Variants in ZNF622 observed in about 807,000 individuals in gnomAD.
ZNF622 encodes the protein zinc finger protein 622.
A neutral mutation model predicts 49.7 loss-of-function variants in ZNF622; 34 were observed. The observed-to-expected ratio is 0.68, with a 90% CI of 0.52 to 0.91. The LOEUF is 0.91. ZNF622 is among the 40% of genes least tolerant of loss of function. The pLI, the probability that ZNF622 is intolerant of heterozygous loss-of-function variation, is 0.00. For missense variants in ZNF622, 569 were observed against 616.4 expected (o/e 0.92, Z 0.81); for synonymous variants, 209 against 228.7 (o/e 0.91, Z 0.78).
chr5:16,458,779 TG>T, intron 3 of ZNF622, 150 bp from the exon 4 acceptor site: 1 of 569,246 alleles, frequency 1.8e-6, no homozygotes, highest in Non-Finnish European at 3.1e-6. Context: ...TAAAAGGTTT[TG>T]GGAGAAAACA....
At chr5:16,455,060 A>C (rs969400452) in intron 4 of ZNF622, among the ~76,000 whole-genome samples, 1 of 152,236 alleles carries the variant, frequency 6.6e-6, no homozygotes, top group East Asian at 1.9e-4. Context: ...AAGTAATCAA[A>C]TATCTTCCCA....
chr5:16,451,882 G>T, intron 5 of ZNF622, 98 bp from the exon 6 acceptor site: 4 of 1,449,818 alleles, frequency 2.8e-6, no homozygotes, highest in Non-Finnish European at 2.8e-6. Context: ...TTAGTTTGGG[G>T]TAACTAGGTT....
At chr5:16,458,266 A>C (rs1270102911) in intron 4 of ZNF622, among the ~76,000 whole-genome samples, 1 of 152,162 alleles carries the variant, frequency 6.6e-6, no homozygotes, top group Admixed American at 6.5e-5. Context: ...AAAAAAAAAA[A>C]AAAAAGAAAT....
Position 16,465,149 on chromosome 5 carries a change from G to A in ZNF622, c.517C>T (p.Pro173Ser). 6.2e-7 allele frequency: 1 copy of A among 1,614,136 alleles called. No homozygotes were observed. The highest frequency in any genetic ancestry group is 8.5e-7 in the Non-Finnish European group (1 of 1,179,994). The change falls in exon 1 of 6, where the codon CCG (proline) becomes TCG (serine). Residue 173 changes from proline (P) to serine (S), a missense_variant. Transcript: ENST00000308683. This position sits in a 1 kb window ranked among gnomAD's most constrained non-coding sequence, Gnocchi z 6.2. ...TGGRGTHDRD[P>S]SEKPPRLQWF... ...TGGAGCCGGGGTGGTTTCTCACTCG[G>A]GTCTCGGTCGTGGGTCCCACGGCCA...
chr5:16,461,670 TTTAC>T (rs61560452), intron 3 of ZNF622, among the ~76,000 whole-genome samples: 8,077 of 152,264 alleles, frequency 0.053, 654 homozygotes, highest in African/African-American at 0.18. Context: ...AGAGATGCCA[TTTAC>T]TTACAGAGAG....
chr5:16,454,369 T>C (rs900513796), intron 4 of ZNF622, among the ~76,000 whole-genome samples: 4 of 150,380 alleles, frequency 2.7e-5, no homozygotes, highest in African/African-American at 9.8e-5. Flanking sequence ...GCACCTGTAG[T>C]CCCAGCTACT....
At chr5:16,464,137 A>G (rs566110059) in intron 1 of ZNF622, among the ~76,000 whole-genome samples, 2 of 152,332 alleles carry the variant, frequency 1.3e-5, no homozygotes, top group African/African-American at 4.8e-5. Context: ...AGGGTGCTCT[A>G]TGAACGGCTA....
In ZNF622 at chr5:16,465,212, C is replaced by T; in HGVS notation, c.454G>A (p.Ala152Thr). Residue 152 changes from alanine (A) to threonine (T), a missense_variant, in exon 1 of 6, where the codon GCA becomes ACA. Physicochemically the swap from Ala to Thr is moderately conservative, Grantham distance 58. Transcript: ENST00000308683. The surrounding 1 kb of genome is among the most constrained non-coding windows in gnomAD (Gnocchi z 6.2). Reference sequence around the variant, plus strand: ...GCCACGACATTCCTGGCCTCCTTTGCAGGCGCTGGGGGCGCCTTCTTGGGA... The same window carrying T: ...GCCACGACATTCCTGGCCTCCTTTGTAGGCGCTGGGGGCGCCTTCTTGGGA... ...MSPKKAPPAP[A>T]KEARNVVAVG... 6.2e-7 allele frequency: 1 copy of T among 1,614,182 alleles called. No individual in the cohort carries two copies. The highest frequency in any genetic ancestry group is 8.5e-7 in the Non-Finnish European group (1 of 1,180,026).
chr5:16,465,632 C>A lies in ZNF622; in HGVS notation c.34G>T (p.Ala12Ser). Residue 12 changes from alanine (A) to serine (S), a missense_variant, in exon 1 of 6, where the codon GCG (alanine) becomes TCG (serine). Coordinates refer to ENST00000308683, the MANE Select transcript of ZNF622 (RefSeq NM_033414.3). The surrounding 1 kb of genome is among the most constrained non-coding windows in gnomAD (Gnocchi z 6.2). ...CGCTGCATGTCCGCGTCGCGGAACG[C>A]CACCCGGCAAGTTATGCAGGTGTAC... is the stretch of plus-strand genomic sequence containing the variant. ...ATYTCITCRV[A>S]FRDADMQRAH... is the part of the protein sequence containing the mutation. 6.3e-7 allele frequency: 1 copy of A among 1,595,032 alleles called. No individual in the cohort carries two copies. Among genetic ancestry groups the A allele is most frequent in the Non-Finnish European group, 8.5e-7 (1 of 1,169,710 alleles).
At chr5:16,461,158 AT>A (rs1738115801) in intron 3 of ZNF622, among the ~76,000 whole-genome samples, 1 of 152,242 alleles carries the variant, frequency 6.6e-6, no homozygotes, top group Non-Finnish European at 1.5e-5. Context: ...CTATAAACAA[AT>A]ACAGCAGCAA....
intron 4 of ZNF622, among the ~76,000 whole-genome samples, chr5:16,453,559 T>TTATATATATATATAAAAATAAAAATTA (rs1737968698): frequency 1.5e-5 from 1 of 67,154 alleles, no homozygotes; most frequent in African/African-American, 4.3e-5. Flanking sequence ...TAAATAAAAA[T>TTATATATATATATAAAAATAAAAATTA]TATATATATA....
At chr5:16,456,360 G>C (rs1004314160) in intron 4 of ZNF622, among the ~76,000 whole-genome samples, 3 of 152,106 alleles carry the variant, frequency 2.0e-5, no homozygotes, top group African/African-American at 7.2e-5. Context: ...GAGCAACGAA[G>C]GAAACCCAAA....
chr5:16,458,898 G>A (rs1738078840), intron 3 of ZNF622, among the ~76,000 whole-genome samples: 1 of 152,182 alleles, frequency 6.6e-6, no homozygotes, highest in African/African-American at 2.4e-5. Flanking sequence ...AGAATGTACA[G>A]CTGGACATGC....
At chr5:16,459,353 A>T (rs1232244301) in intron 3 of ZNF622, among the ~76,000 whole-genome samples, 3 of 152,216 alleles carry the variant, frequency 2.0e-5, no homozygotes, top group Non-Finnish European at 4.4e-5. Context: ...ATGAATATGC[A>T]AAAAGCCTCT....
chr5:16,464,824 G>C (rs1018916222), intron 1 of ZNF622, among the ~76,000 whole-genome samples: 1 of 152,188 alleles, frequency 6.6e-6, no homozygotes, highest in African/African-American at 2.4e-5. Context: ...TCTTTTTCCA[G>C]ACAAGGTTTT....
intron 4 of ZNF622, among the ~76,000 whole-genome samples, chr5:16,453,559 T>TTATATATATATATATATATA (rs58965299): frequency 1.5e-5 from 1 of 67,158 alleles, no homozygotes; most frequent in Admixed American, 1.8e-4. Context: ...TAAATAAAAA[T>TTATATATATATATATATATA]TATATATATA....
In ZNF622 at chr5:16,465,515, C is replaced by T. The variant is rs1579568046; in HGVS notation, c.151G>A (p.Val51Met). 1.2e-6 allele frequency: 2 copies of T among 1,614,184 alleles called. No homozygotes were observed. The highest frequency in any genetic ancestry group is 1.6e-4 in the Middle Eastern group (1 of 6,062). Residue 51 changes from valine (V) to methionine (M), a missense_variant, in exon 1 of 6, where the codon GTG becomes ATG. By Grantham distance (21) the Val-to-Met change is conservative. Coordinates refer to ENST00000308683, the MANE Select transcript of ZNF622 (RefSeq NM_033414.3). The surrounding 1 kb of genome is among the most constrained non-coding windows in gnomAD (Gnocchi z 6.2). ...PVTAEGFQERVRAQRAVAEEE... is the reference protein window; with the variant it reads ...PVTAEGFQERMRAQRAVAEEE... ...TCCGCGACGGCCCGCTGCGCCCGCA[C>T]TCGCTCCTGGAAGCCCTCGGCGGTC...
At chr5:16,454,796 CAG>C (rs1737998726) in intron 4 of ZNF622, among the ~76,000 whole-genome samples, 3 of 152,174 alleles carry the variant, frequency 2.0e-5, no homozygotes, top group South Asian at 2.1e-4. Context: ...GAAGCTGCTG[CAG>C]AGACAGAATT....
At position 16,463,477 on chromosome 5, in the gene ZNF622, C is replaced by T. The variant is rs778002877; in HGVS notation, c.886+5G>A. ...CCTCATTAAAAGGAAAACTATTGTA[C>T]TTACCCAAGTATTTAATCAGTCCCT... On this transcript the variant is annotated splice_donor_5th_base_variant and intron_variant, in intron 2 of 5. Transcript: ENST00000308683. The surrounding 1 kb of genome is among the most constrained non-coding windows in gnomAD (Gnocchi z 4.2). 12 of 1,609,222 alleles carry T rather than the reference C, an allele frequency of 7.5e-6. No individual in the cohort carries two copies. The highest frequency in any genetic ancestry group is 1.1e-5 in the South Asian group (1 of 90,704).
Sources: gnomAD v4.1 joint callset for allele counts (sites outside exome capture counted in the v4.1 genomes callset) on GRCh38, gnomAD v4.1.1 for gene constraint, Gnocchi (gnomAD v3.1) non-coding constraint, MANE v1.5 for transcripts, NCBI Gene and HGNC (gene_info 2026-07-23, HGNC 2026-07-21) for gene names.